FREM3: variants seen among roughly 807,000 people sequenced by gnomAD.
The protein encoded by FREM3 is FRAS1-related extracellular matrix protein 3.
A neutral mutation model predicts 129.1 loss-of-function variants in FREM3; 105 were observed. The observed-to-expected ratio is 0.81, with a 90% CI of 0.69 to 0.96. FREM3 has a LOEUF of 0.96. Among genes scored for constraint, FREM3 ranks in the 40% least tolerant of loss-of-function variants. FREM3 has a pLI of 0.00. For synonymous variants in FREM3, 1,014 were observed against 1,044.9 expected (o/e 0.97, Z 0.57); for missense variants, 2,593 against 2,666.3 (o/e 0.97, Z 0.61).
At chr4:143,666,487 G>A (rs533461714) in intron 2 of FREM3, among the ~76,000 whole-genome samples, 2 of 152,202 alleles carry the variant, frequency 1.3e-5, no homozygotes, top group Admixed American at 6.5e-5. Context: ...CAACCCAAAT[G>A]TCCATCAATA....
chr4:143,596,732 C>T (rs911731057), intron 6 of FREM3, among the ~76,000 whole-genome samples: 8 of 151,674 alleles, frequency 5.3e-5, no homozygotes, highest in Non-Finnish European at 8.8e-5. Flanking sequence ...ACCAGGAGTT[C>T]GAGACCAGCC....
intron 5 of FREM3, among the ~76,000 whole-genome samples, chr4:143,616,929 T>G (rs765567742): frequency 9.9e-5 from 15 of 152,184 alleles, no homozygotes; most frequent in Non-Finnish European, 1.8e-4. Context: ...TCTTTTTAAC[T>G]GGATAGAGTA....
intron 3 of FREM3, among the ~76,000 whole-genome samples, chr4:143,625,649 A>T (rs7679278): frequency 2.0e-5 from 3 of 151,974 alleles, no homozygotes; most frequent in Non-Finnish European, 2.9e-5. Context: ...AGCTAAGTGG[A>T]GCTGCTATAG....
chr4:143,624,763 A>G (rs1739015206), intron 3 of FREM3, among the ~76,000 whole-genome samples: 1 of 152,012 alleles, frequency 6.6e-6, no homozygotes, highest in Non-Finnish European at 1.5e-5. Flanking sequence ...CGTTGTGTTC[A>G]CTGATGAATT....
intron 2 of FREM3, among the ~76,000 whole-genome samples, chr4:143,657,118 C>G (rs2149850688): frequency 6.6e-6 from 1 of 152,348 alleles, no homozygotes; most frequent in African/African-American, 2.4e-5. Context: ...TCTTTCCTGA[C>G]TGTTCATTGC....
chr4:143,606,144 G>C (rs1323530460), intron 6 of FREM3, among the ~76,000 whole-genome samples: 1 of 152,056 alleles, frequency 6.6e-6, no homozygotes, highest in Non-Finnish European at 1.5e-5. Context: ...CAGTCAGCAG[G>C]TCTCCACATA....
At chr4:143,606,990 CT>C (rs1560842465) in intron 6 of FREM3, among the ~76,000 whole-genome samples, 1 of 151,992 alleles carries the variant, frequency 6.6e-6, no homozygotes, top group Non-Finnish European at 1.5e-5. Context: ...TATTAATATC[CT>C]TTATTTAGTC....
Position 143,654,079 on chromosome 4 carries a change from C to T in FREM3, c.5276-26319G>A, listed in dbSNP as rs59943310. ...TCTAAATCCAGTACAACAAACCAAG[C>T]GATCTTTCTATTTTTTTAATTAAAA... On this transcript the variant is annotated intron_variant, in intron 2 of 7. Coordinates refer to ENST00000329798, the MANE Select transcript of FREM3 (RefSeq NM_001168235.2). 7.6e-3 allele frequency among the ~76,000 whole-genome samples: 1,153 copies of T among 152,176 alleles called. 15 individuals carry two copies. Among genetic ancestry groups the T allele is most frequent in the African/African-American group, 0.026 (1,075 of 41,500 alleles).
In FREM3 at chr4:143,696,480, A is replaced by G; in HGVS notation, c.4196T>C (p.Ile1399Thr). 6.5e-7 allele frequency: 1 copy of G among 1,537,700 alleles called. No homozygotes were observed. The highest frequency in any genetic ancestry group is 1.4e-5 in the African/African-American group (1 of 73,170). Reference protein sequence around the residue: ...HTGQEGIVDIIKFDVTDGVNT... With the variant: ...HTGQEGIVDITKFDVTDGVNT... Reference sequence around the variant, plus strand: ...AACCCCATCAGTAACATCAAACTTGATAATGTCAACAATCCCTTCTTGGCC... The same window carrying G: ...AACCCCATCAGTAACATCAAACTTGGTAATGTCAACAATCCCTTCTTGGCC... Residue 1399 changes from isoleucine (I) to threonine (T), a missense_variant, in exon 1 of 8, where the codon ATC becomes ACC. Around this residue, in one of 2 missense-constraint regions of FREM3, gnomAD observed 2,276 missense variants for 2,267.2 expected, o/e 1.00. Coordinates refer to ENST00000329798, the MANE Select transcript of FREM3 (RefSeq NM_001168235.2).
chr4:143,680,966 G>A (rs966797749), intron 2 of FREM3, among the ~76,000 whole-genome samples: 6 of 151,910 alleles, frequency 3.9e-5, no homozygotes. Flanking sequence ...TGGACCACGA[G>A]GCAAGTCAAA....
rs1560878827 is a variant in FREM3 at position 143,699,387 on chromosome 4, G to GT, written c.1288dup (p.Thr430AsnfsTer7). 1.3e-6 allele frequency: 2 copies of GT among 1,537,310 alleles called. No individual in the cohort carries two copies. Among genetic ancestry groups the GT allele is most frequent in the East Asian group, 4.9e-5 (2 of 40,914 alleles). The stretch of plus-strand genomic sequence containing the variant: ...GTTATGGCTAGCCACTGGGACCAGA[G>GT]TATTCATGGATTTCACTGTCACCAT... On this transcript the variant is annotated frameshift_variant, in exon 1 of 8. Transcript: ENST00000329798. LOFTEE classifies it high-confidence loss of function. The surrounding 1 kb of genome is among the most constrained non-coding windows in gnomAD (Gnocchi z 4.2).
chr4:143,654,566 G>A (rs1739566518), intron 2 of FREM3, among the ~76,000 whole-genome samples: 2 of 152,202 alleles, frequency 1.3e-5, no homozygotes, highest in South Asian at 4.1e-4. Flanking sequence ...ATTCTCCGGG[G>A]AAAATGATTG....
intron 7 of FREM3, among the ~76,000 whole-genome samples, chr4:143,581,781 G>C (rs997038570): frequency 1.3e-5 from 2 of 151,966 alleles, no homozygotes; most frequent in Non-Finnish European, 2.9e-5. Context: ...CCACCTCCTG[G>C]CTGAACATTT....
chr4:143,672,309 C>G (rs139959517), intron 2 of FREM3, among the ~76,000 whole-genome samples: 105 of 152,302 alleles, frequency 6.9e-4, no homozygotes, highest in African/African-American at 2.3e-3. Flanking sequence ...CTTGGAACAT[C>G]GACCAGCAAG....
At chr4:143,600,632 C>A (rs1308349955) in intron 6 of FREM3, among the ~76,000 whole-genome samples, 2 of 152,160 alleles carry the variant, frequency 1.3e-5, no homozygotes, top group Non-Finnish European at 2.9e-5. Flanking sequence ...CCTAGGTCTA[C>A]TTCTCCCAAG....
chr4:143,634,134 G>T (rs1002123579), intron 2 of FREM3, among the ~76,000 whole-genome samples: 1 of 152,048 alleles, frequency 6.6e-6, no homozygotes, highest in Non-Finnish European at 1.5e-5. Context: ...TGGGAGTTTG[G>T]TTTTAATTTG....
chr4:143,600,782 T>G (rs1738557395), intron 6 of FREM3, among the ~76,000 whole-genome samples: 1 of 152,158 alleles, frequency 6.6e-6, no homozygotes, highest in Non-Finnish European at 1.5e-5. Context: ...TGTATGTGAT[T>G]AAATATCTTG....
At chr4:143,586,873 G>A (rs537736502) in intron 6 of FREM3, among the ~76,000 whole-genome samples, 2 of 152,280 alleles carry the variant, frequency 1.3e-5, no homozygotes, top group African/African-American at 4.8e-5. Context: ...GGCAAAAAAT[G>A]TAAATATTAG....
Position 143,698,052 on chromosome 4 carries a change from C to G in FREM3, c.2624G>C (p.Gly875Ala). Residue 875 changes from glycine (G) to alanine (A), a missense_variant, in exon 1 of 8, where the codon GGA (glycine) becomes GCA (alanine). Gly to Ala is a moderately conservative substitution (Grantham distance 60). Transcript: ENST00000329798. ...VFILVRGPQH[G>A]HLQYFKRCMV... The stretch of plus-strand genomic sequence containing the variant: ...ACATCTTTTAAAGTACTGCAAGTGT[C>G]CATGTTGGGGACCCCGGACTAATAT... 6.5e-7 allele frequency: 1 copy of G among 1,537,324 alleles called. No homozygotes were observed. Among genetic ancestry groups the G allele is most frequent in the Non-Finnish European group, 8.7e-7 (1 of 1,146,932 alleles).
Sources: gnomAD v4.1 joint callset for allele counts (sites outside exome capture counted in the v4.1 genomes callset) on GRCh38, gnomAD v4.1.1 for gene constraint, gnomAD v4.1.1 regional missense constraint, Gnocchi (gnomAD v3.1) non-coding constraint, MANE v1.5 for transcripts, NCBI Gene and HGNC (gene_info 2026-07-23, HGNC 2026-07-21) for gene names.